IGSF21: variants seen among roughly 807,000 people sequenced by gnomAD.
IGSF21 encodes the protein immunoglobulin superfamily member 21.
Under a neutral mutation model 46.8 loss-of-function variants are expected in IGSF21, and 28 were observed. That is an observed-to-expected ratio of 0.60 (90% CI 0.44 to 0.82). IGSF21 has a LOEUF of 0.82. Ranked by LOEUF, IGSF21 falls within the 40% of genes least tolerant of loss-of-function variation. IGSF21 has a pLI of 0.00. For missense variants in IGSF21, 624 were observed against 665.5 expected, an observed-to-expected ratio of 0.94 and a Z score of 0.69; for synonymous variants, 284 against 273.6, an observed-to-expected ratio of 1.04 and a Z score of -0.38.
intron 2 of IGSF21, among the ~76,000 whole-genome samples, chr1:18,229,128 G>A (rs910398248): frequency 5.9e-5 from 9 of 151,530 alleles, no homozygotes; most frequent in East Asian, 3.8e-4. Flanking sequence ...CAGAAACCAC[G>A]CTTTCCTAAT....
chr1:18,156,073 C>A (rs1434608833), intron 1 of IGSF21, among the ~76,000 whole-genome samples: 2 of 152,194 alleles, frequency 1.3e-5, no homozygotes, highest in African/African-American at 2.4e-5. Context: ...GGCCAGGGCA[C>A]CTCTCACACG....
At chr1:18,148,268 C>G (rs911366268) in intron 1 of IGSF21, among the ~76,000 whole-genome samples, 1 of 151,416 alleles carries the variant, frequency 6.6e-6, no homozygotes, top group Non-Finnish European at 1.5e-5. Context: ...GTAGCTGGGA[C>G]TACAGGCGCC....
intron 4 of IGSF21, among the ~76,000 whole-genome samples, chr1:18,359,823 T>C (rs1557659992): frequency 6.6e-6 from 1 of 152,154 alleles, no homozygotes; most frequent in Non-Finnish European, 1.5e-5. Flanking sequence ...TTCCTGGTGG[T>C]TCAAATGTGT....
chr1:18,371,387 C>A (rs1176643763), intron 6 of IGSF21, among the ~76,000 whole-genome samples: 4 of 152,076 alleles, frequency 2.6e-5, no homozygotes, highest in East Asian at 1.9e-4. Context: ...GCCTGGCCAA[C>A]ATGGTGAAAC....
chr1:18,376,529 C>G (rs1569905864), intron 7 of IGSF21, 134 bp downstream of exon 7: 4 of 777,386 alleles, frequency 5.1e-6, no homozygotes, highest in Non-Finnish European at 4.6e-6. Context: ...TTCAGTTTCC[C>G]AATGTGTAAT....
At chr1:18,160,237 A>G (rs2086605460) in intron 1 of IGSF21, among the ~76,000 whole-genome samples, 2 of 152,180 alleles carry the variant, frequency 1.3e-5, no homozygotes, top group Non-Finnish European at 2.9e-5. Context: ...ACTCTGCTGG[A>G]GTTAGAGCCT....
At chr1:18,209,658 C>T in intron 1 of IGSF21, among the ~76,000 whole-genome samples, 1 of 147,070 alleles carries the variant, frequency 6.8e-6, no homozygotes, top group Admixed American at 6.8e-5. Flanking sequence ...GACAGGGTTT[C>T]ACTATGTTGG....
chr1:18,362,294 C>T, intron 5 of IGSF21, 64 bp downstream of exon 5: 1 of 1,195,512 alleles, frequency 8.4e-7, no homozygotes, highest in South Asian at 1.3e-5. Context: ...CGGGGCTGGT[C>T]CAGCTGCAGG....
At position 18,266,607 on chromosome 1, in the gene IGSF21, C is replaced by T. The variant is rs911470510; in HGVS notation, c.184-25259C>T. Among the ~76,000 whole-genome samples the T allele has an allele frequency of 3.9e-5, 6 of 152,342 alleles. No individual in the cohort carries two copies. The East Asian group carries it at 1.2e-3, about 29-fold the overall frequency. On this transcript the variant is annotated intron_variant, in intron 2 of 9. Coordinates refer to ENST00000251296, the MANE Select transcript of IGSF21 (RefSeq NM_032880.5). ...TGTACTCATGGCAGTGGCCCAAGAA[C>T]TTATGTGGAAACTTGCTAGGCCTCC...
intron 3 of IGSF21, among the ~76,000 whole-genome samples, chr1:18,314,419 G>A (rs1046709589): frequency 3.9e-5 from 6 of 152,052 alleles, no homozygotes; most frequent in African/African-American, 9.7e-5. Flanking sequence ...AGCGGAGGTC[G>A]CCCATTATAG....
chr1:18,347,007 T>C lies in IGSF21; in HGVS notation c.424+11997T>C, dbSNP rs557581423. 2.6e-5 allele frequency among the ~76,000 whole-genome samples: 4 copies of C among 152,292 alleles called. No individual in the cohort carries two copies. In the South Asian group the frequency reaches 8.3e-4, roughly 32 times the overall value. On this transcript the variant is annotated intron_variant, in intron 4 of 9. Coordinates refer to ENST00000251296, the MANE Select transcript of IGSF21 (RefSeq NM_032880.5). ...CTCCCAGCCAGCTGAGGTCACCGGC[T>C]GAGCGCCAGTTGAGAGAGGGGCCAG... is the stretch of plus-strand genomic sequence containing the variant.
chr1:18,220,679 G>T (rs1455438256), intron 1 of IGSF21, among the ~76,000 whole-genome samples: 1 of 152,146 alleles, frequency 6.6e-6, no homozygotes, highest in Non-Finnish European at 1.5e-5. Flanking sequence ...GTGCTTTGAG[G>T]ACTATGGAAG....
At chr1:18,173,557 C>T (rs913198903) in intron 1 of IGSF21, among the ~76,000 whole-genome samples, 1 of 152,140 alleles carries the variant, frequency 6.6e-6, no homozygotes, top group African/African-American at 2.4e-5. Context: ...GAATTTCCTA[C>T]CAGTGGAAGC....
chr1:18,154,509 T>C (rs10907335), intron 1 of IGSF21, among the ~76,000 whole-genome samples: 55,024 of 151,708 alleles, frequency 0.36, 10,520 homozygotes, highest in South Asian at 0.6. Flanking sequence ...TGTGCTGGGC[T>C]CTGCCCTGAG....
rs192445635 is a variant in IGSF21 at position 18,227,947 on chromosome 1, C to T, written c.120C>T (p.Asp40=). 291 of 1,614,098 alleles carry T rather than the reference C, an allele frequency of 1.8e-4. 4 individuals are homozygous for T. The South Asian group carries it at 2.5e-3, about 14-fold the overall frequency. ...CTCTCCCCCCTGTGGTGGCTGGAGA[C>T]GCCGTGACTTTGAAGTGTAACTTCA... ...IEPLPPVVAG[D]AVTLKCNFKT... The change falls in exon 2 of 10, where the codon GAC becomes GAT. Residue 40 remains aspartate, a synonymous_variant. Coordinates refer to ENST00000251296, the MANE Select transcript of IGSF21 (RefSeq NM_032880.5).
intron 3 of IGSF21, among the ~76,000 whole-genome samples, chr1:18,310,929 G>A (rs895356761): frequency 6.6e-6 from 1 of 152,080 alleles, no homozygotes; most frequent in African/African-American, 2.4e-5. Context: ...CTGTCTCTCT[G>A]TCCAGATTTC....
At chr1:18,247,988 A>G (rs1327144963) in intron 2 of IGSF21, among the ~76,000 whole-genome samples, 1 of 152,176 alleles carries the variant, frequency 6.6e-6, no homozygotes, top group East Asian at 1.9e-4. Flanking sequence ...GCCCAGGCAA[A>G]TAGAGCCATT....
At chr1:18,174,116 T>C (rs377046419) in intron 1 of IGSF21, among the ~76,000 whole-genome samples, 1 of 152,180 alleles carries the variant, frequency 6.6e-6, no homozygotes, top group South Asian at 2.1e-4. Flanking sequence ...ACCTCATGTG[T>C]TCTGTGGCTT....
chr1:18,221,153 T>A (rs971404934), intron 1 of IGSF21, among the ~76,000 whole-genome samples: 6 of 151,860 alleles, frequency 4.0e-5, no homozygotes, highest in Non-Finnish European at 5.9e-5. Context: ...TTACACCGAG[T>A]CAAGGGAGGC....
Sources: allele counts gnomAD v4.1 joint callset (sites outside exome capture counted in the v4.1 genomes callset), GRCh38; gene constraint gnomAD v4.1.1; transcripts MANE v1.5; gene names NCBI Gene and HGNC (gene_info 2026-07-23, HGNC 2026-07-21).